MTM1: variants seen among roughly 807,000 people sequenced by gnomAD.
MTM1 encodes the protein myotubularin.
In MTM1, 9 loss-of-function variants were observed where a neutral mutation model predicts 52.1. The ratio of observed to expected loss-of-function variants is 0.17; its 90% CI spans 0.10 to 0.30. The LOEUF is 0.30. Ranked by LOEUF, MTM1 falls within the 10% of genes least tolerant of loss-of-function variation. The pLI is 1.00. For missense variants in MTM1, 277 were observed against 470.7 expected, an observed-to-expected ratio of 0.59 and a Z score of 3.81; for synonymous variants, 136 against 163.8, an observed-to-expected ratio of 0.83 and a Z score of 1.29.
chrX:150,632,025 CTTCTTT>C (rs2039680115), intron 6 of MTM1, among the ~76,000 whole-genome samples: 1 of 112,171 alleles, frequency 8.9e-6, no homozygotes, highest in South Asian at 3.6e-4. Flanking sequence ...CCTTGTTCCT[CTTCTTT>C]TTCTTTTCCT....
chrX:150,599,749 G>A (rs1557412709), intron 4 of MTM1, among the ~76,000 whole-genome samples: 2 of 111,802 alleles, frequency 1.8e-5, no homozygotes, highest in East Asian at 5.6e-4. Flanking sequence ...CACAGTGCTT[G>A]TAGGGACATG....
intron 6 of MTM1, among the ~76,000 whole-genome samples, chrX:150,625,919 G>C: frequency 8.9e-6 from 1 of 112,787 alleles, no homozygotes; most frequent in African/African-American, 3.2e-5. Flanking sequence ...AGCCTTTGCT[G>C]TGGAGACCAG....
At chrX:150,639,140 T>C in intron 7 of MTM1, 114 bp downstream of exon 7, 1 of 627,809 alleles carries the variant, frequency 1.6e-6, no homozygotes, top group Non-Finnish European at 2.7e-6. Flanking sequence ...AAATATCTTT[T>C]CAATGGTGGT....
chrX:150,598,102 CAG>C (rs782021599), intron 3 of MTM1, among the ~76,000 whole-genome samples: 14 of 111,551 alleles, frequency 1.3e-4, no homozygotes, highest in African/African-American at 4.6e-4. Context: ...CAAAAAAAGA[CAG>C]AATAAACTGG....
At chrX:150,656,717 C>G (rs1428260936) in intron 10 of MTM1, among the ~76,000 whole-genome samples, 1 of 111,325 alleles carries the variant, frequency 9.0e-6, no homozygotes, top group Non-Finnish European at 1.9e-5. Context: ...AAAATTTTTG[C>G]AATCTACCCA....
chrX:150,645,769 A>G lies in MTM1; in HGVS notation c.765A>G (p.Lys255=). 8.3e-7 allele frequency: 1 copy of G among 1,209,923 alleles called. No individual in the cohort carries two copies. Among genetic ancestry groups the G allele is most frequent in the African/African-American group, 1.7e-5 (1 of 57,822 alleles). ...PLVGMSGKRN[K]DDEKYLDVIR... ...TCGGTATGAGTGGGAAACGAAATAA[A>G]GATGATGAGAAATATCTCGATGTTA... is the stretch of plus-strand genomic sequence containing the variant. The change falls in exon 9 of 15, where the codon AAA becomes AAG. Residue 255 remains lysine (K), a synonymous_variant. Transcript: ENST00000370396.
intron 8 of MTM1, among the ~76,000 whole-genome samples, chrX:150,642,889 G>C (rs782042740): frequency 2.7e-5 from 3 of 112,065 alleles, no homozygotes; most frequent in African/African-American, 9.7e-5. Flanking sequence ...CTGAATGAAT[G>C]AGTGTCTACT....
intron 14 of MTM1, 48 bp from the exon 15 acceptor site, chrX:150,671,380 A>AT (rs1557415126): frequency 8.3e-7 from 1 of 1,198,132 alleles, no homozygotes; most frequent in Admixed American, 2.2e-5. Context: ...GTGAGTTCTC[A>AT]TGACGTGCGT....
In MTM1 at chrX:150,657,870, A is replaced by G. The variant is rs782438379; in HGVS notation, c.1103A>G (p.Lys368Arg). ...IQVADKVSSGKSSVLVHCSDG... is the reference protein window; with the variant it reads ...IQVADKVSSGRSSVLVHCSDG... Reference sequence around the variant, plus strand: ...GTAGCAGACAAAGTTTCTTCAGGGAAGAGTTCAGTGCTTGTGCATTGCAGT... The same window carrying G: ...GTAGCAGACAAAGTTTCTTCAGGGAGGAGTTCAGTGCTTGTGCATTGCAGT... Residue 368 changes from lysine to arginine, a missense_variant, in exon 11 of 15, where the codon AAG (lysine) becomes AGG (arginine). Coordinates refer to ENST00000370396, the MANE Select transcript of MTM1 (RefSeq NM_000252.3). 1 of 1,211,896 alleles carries G rather than the reference A, an allele frequency of 8.3e-7. No individual in the cohort carries two copies. Among genetic ancestry groups the G allele is most frequent in the Admixed American group, 2.2e-5 (1 of 46,022 alleles).
intron 4 of MTM1, among the ~76,000 whole-genome samples, chrX:150,602,184 CTT>C (rs1448373007): frequency 3.6e-5 from 4 of 112,132 alleles, no homozygotes; most frequent in Non-Finnish European, 5.6e-5. Flanking sequence ...TAATTTTTCT[CTT>C]GAGTGCTTGT....
intron 14 of MTM1, among the ~76,000 whole-genome samples, chrX:150,668,995 G>T (rs1393084525): frequency 3.6e-5 from 4 of 110,473 alleles, no homozygotes; most frequent in Admixed American, 1.9e-4. Context: ...GTGGTTTGCT[G>T]CACCTATTGA....
intron 1 of MTM1, among the ~76,000 whole-genome samples, chrX:150,572,595 A>G (rs1244187884): frequency 8.9e-6 from 1 of 112,658 alleles, no homozygotes; most frequent in Non-Finnish European, 1.9e-5. Context: ...TCACAGGGTG[A>G]CAGCAAGGCA....
At chrX:150,581,817 G>A (rs1277348270) in intron 1 of MTM1, among the ~76,000 whole-genome samples, 1 of 111,507 alleles carries the variant, frequency 9.0e-6, no homozygotes, top group Non-Finnish European at 1.9e-5. Flanking sequence ...TGTTCCTTGT[G>A]TTTGTCAGTT....
chrX:150,598,284 G>A (rs1166366856), intron 3 of MTM1, among the ~76,000 whole-genome samples: 1 of 111,453 alleles, frequency 9.0e-6, no homozygotes, highest in African/African-American at 3.3e-5. Context: ...ACCACCTTAG[G>A]GTAGCAGCAG....
upstream of MTM1, among the ~76,000 whole-genome samples, chrX:150,564,727 T>A (rs1226698386): frequency 8.9e-6 from 1 of 112,245 alleles, no homozygotes; most frequent in Non-Finnish European, 1.9e-5. Flanking sequence ...TGAATACACG[T>A]CTTTTTGTGA....
chrX:150,641,479 C>G, intron 8 of MTM1, 61 bp downstream of exon 8: 3 of 1,156,524 alleles, frequency 2.6e-6, no homozygotes, highest in Non-Finnish European at 3.5e-6. Flanking sequence ...GAATGGTAGT[C>G]ATATAACTTA....
At chrX:150,641,584 G>A (rs782682900) in intron 8 of MTM1, among the ~76,000 whole-genome samples, 166 bp downstream of exon 8, 1 of 111,227 alleles carries the variant, frequency 9.0e-6, no homozygotes, top group Non-Finnish European at 1.9e-5. Flanking sequence ...GAAGTGTGCC[G>A]TCACCTGCCT....
At chrX:150,607,706 A>G (rs1300779607) in intron 4 of MTM1, among the ~76,000 whole-genome samples, 2 of 111,207 alleles carry the variant, frequency 1.8e-5, no homozygotes, top group Non-Finnish European at 3.8e-5. Flanking sequence ...GTTGCTTTCC[A>G]ATTCTCTAGC....
At chrX:150,589,925 A>G (rs1457119087) in intron 1 of MTM1, among the ~76,000 whole-genome samples, 2 of 111,401 alleles carry the variant, frequency 1.8e-5, no homozygotes, top group African/African-American at 6.5e-5. Flanking sequence ...AAAAATTAAA[A>G]ATTTTAAAAA....
Sources: allele counts gnomAD v4.1 joint callset (sites outside exome capture counted in the v4.1 genomes callset), GRCh38; gene constraint gnomAD v4.1.1; transcripts MANE v1.5; gene names NCBI Gene and HGNC (gene_info 2026-07-23, HGNC 2026-07-21).